HSD17B12: variants seen among roughly 807,000 people sequenced by gnomAD.
HSD17B12 encodes very-long-chain 3-oxoacyl-CoA reductase.
HSD17B12 carries 32 observed loss-of-function variants against 39.3 expected under a neutral mutation model. The observed-to-expected ratio is 0.81, with a 90% confidence interval of 0.61 to 1.09. The LOEUF is 1.09. Among genes scored for constraint, HSD17B12 ranks in the 50% least tolerant of loss-of-function variants. The pLI, the probability that HSD17B12 is intolerant of heterozygous loss-of-function variation, is 0.00. For synonymous variants in HSD17B12, 150 were observed against 146.7 expected (o/e 1.02, Z -0.16); for missense variants, 342 against 382.9 (o/e 0.89, Z 0.89).
chr11:43,583,104 G>A, the HSD17B12 span, among the ~76,000 whole-genome samples: 1 of 152,262 alleles, frequency 6.6e-6, no homozygotes, highest in Admixed American at 6.5e-5. Context: ...CCTCTTCCCA[G>A]CCAGAAAGCC....
At chr11:43,637,274 G>T in the HSD17B12 span, among the ~76,000 whole-genome samples, 8 of 145,996 alleles carry the variant, frequency 5.5e-5, no homozygotes, top group African/African-American at 2.0e-4. Flanking sequence ...AGGCTGGAGT[G>T]CAGTGGCACA....
chr11:43,601,320 T>C, the HSD17B12 span, among the ~76,000 whole-genome samples: 2 of 151,068 alleles, frequency 1.3e-5, no homozygotes, highest in African/African-American at 2.4e-5. Context: ...GCTGCGTTTG[T>C]GTGTGTGTGT....
the HSD17B12 span, among the ~76,000 whole-genome samples, chr11:43,602,201 GA>G: frequency 6.6e-6 from 1 of 152,082 alleles, no homozygotes; most frequent in African/African-American, 2.4e-5. Flanking sequence ...ATTTTTTATG[GA>G]ATTATATTTA....
At chr11:43,811,914 C>T (rs564406400) in intron 4 of HSD17B12, among the ~76,000 whole-genome samples, 6 of 152,150 alleles carry the variant, frequency 3.9e-5, no homozygotes, top group African/African-American at 9.7e-5. Flanking sequence ...TTATTCTACT[C>T]TCTACCTCCA....
chr11:43,840,466 T>G (rs1951414922), intron 9 of HSD17B12, among the ~76,000 whole-genome samples: 1 of 152,126 alleles, frequency 6.6e-6, no homozygotes. Flanking sequence ...CGTGCAACCA[T>G]TGTCACCGTC....
At chr11:43,584,195 C>A in the HSD17B12 span, among the ~76,000 whole-genome samples, 1 of 152,168 alleles carries the variant, frequency 6.6e-6, no homozygotes, top group Non-Finnish European at 1.5e-5. Flanking sequence ...TCTCTTCTAT[C>A]CTCTTTCCCG....
At chr11:43,802,100 G>A (rs978472326) in intron 4 of HSD17B12, among the ~76,000 whole-genome samples, 3 of 151,674 alleles carry the variant, frequency 2.0e-5, no homozygotes, top group Non-Finnish European at 2.9e-5. Flanking sequence ...ATTCTCCTGC[G>A]TCAGCCTCCT....
chr11:43,612,672 C>G, the HSD17B12 span, among the ~76,000 whole-genome samples: 11 of 152,148 alleles, frequency 7.2e-5, no homozygotes, highest in Admixed American at 7.2e-4. Flanking sequence ...TCCCAAAGTG[C>G]TGAGATTACA....
chr11:43,657,360 G>T, the HSD17B12 span, among the ~76,000 whole-genome samples: 1 of 152,124 alleles, frequency 6.6e-6, no homozygotes, highest in Non-Finnish European at 1.5e-5. Context: ...TATCCGGTTT[G>T]CCAGTCTGTG....
intron 1 of HSD17B12, among the ~76,000 whole-genome samples, chr11:43,690,027 G>A (rs1233465655): frequency 2.0e-5 from 3 of 151,896 alleles, no homozygotes; most frequent in African/African-American, 2.4e-5. Context: ...AGATATCCAT[G>A]TGACTGACCC....
chr11:43,764,848 T>G, intron 3 of HSD17B12, among the ~76,000 whole-genome samples: 1 of 151,956 alleles, frequency 6.6e-6, no homozygotes, highest in East Asian at 1.9e-4. Context: ...TCTCGCTTTT[T>G]TATCTAAATT....
the HSD17B12 span, among the ~76,000 whole-genome samples, chr11:43,572,509 T>C: frequency 6.6e-6 from 1 of 152,194 alleles, no homozygotes; most frequent in Non-Finnish European, 1.5e-5. Context: ...GCCATACAGA[T>C]ATGAATTTGA....
the HSD17B12 span, among the ~76,000 whole-genome samples, chr11:43,596,274 A>G: frequency 6.6e-6 from 1 of 152,110 alleles, no homozygotes; most frequent in African/African-American, 2.4e-5. Context: ...ACTGTGATTT[A>G]GTGGCTGGTC....
chr11:43,846,607 G>A (rs1372180381), intron 9 of HSD17B12, among the ~76,000 whole-genome samples: 1 of 152,204 alleles, frequency 6.6e-6, no homozygotes, highest in Non-Finnish European at 1.5e-5. Flanking sequence ...AGAGGTTGCT[G>A]TGAGCTGAGA....
intron 7 of HSD17B12, 85 bp from the exon 8 acceptor site, chr11:43,838,232 A>T (rs1340915620): frequency 3.2e-6 from 3 of 930,776 alleles, no homozygotes; most frequent in Non-Finnish European, 5.3e-6. Flanking sequence ...TTCTGTTTCG[A>T]ATAATTATAT....
chr11:43,657,303 G>A, the HSD17B12 span, among the ~76,000 whole-genome samples: 58,007 of 151,992 alleles, frequency 0.38, 12,486 homozygotes, highest in East Asian at 0.74. Flanking sequence ...GTCTCTGCAC[G>A]TGAAATGGGT....
the HSD17B12 span, among the ~76,000 whole-genome samples, chr11:43,576,033 T>C: frequency 2.6e-5 from 4 of 152,136 alleles, no homozygotes; most frequent in African/African-American, 7.2e-5. Flanking sequence ...GGGAAGCTCC[T>C]CTGGGGAAGG....
chr11:43,609,809 GGT>G, the HSD17B12 span, among the ~76,000 whole-genome samples: 3 of 152,192 alleles, frequency 2.0e-5, no homozygotes, highest in Non-Finnish European at 4.4e-5. Flanking sequence ...CTCTGGAACT[GGT>G]TTCCCCATTT....
chr11:43,692,529 A>G (rs1345826765), intron 1 of HSD17B12, among the ~76,000 whole-genome samples: 1 of 152,206 alleles, frequency 6.6e-6, no homozygotes, highest in Non-Finnish European at 1.5e-5. Context: ...TATTTAATAA[A>G]CATTAAATAT....
Sources: gnomAD v4.1 joint callset for allele counts (sites outside exome capture counted in the v4.1 genomes callset) on GRCh38, gnomAD v4.1.1 for gene constraint, MANE v1.5 for transcripts, NCBI Gene and HGNC (gene_info 2026-07-23, HGNC 2026-07-21) for gene names.